The following CTNNA1 variants were observed in gnomAD, a reference collection of about 807,000 sequenced individuals.
CTNNA1 encodes the protein catenin alpha 1.
In CTNNA1, 37 loss-of-function variants were observed where a neutral mutation model predicts 98.4. The ratio of observed to expected loss-of-function variants is 0.38; its 90% CI spans 0.29 to 0.49. CTNNA1 has a LOEUF of 0.49. CTNNA1 is among the 20% of genes least tolerant of loss of function. CTNNA1 has a pLI of 0.95. For missense variants in CTNNA1, 761 were observed against 1,147.2 expected, an observed-to-expected ratio of 0.66 and a Z score of 4.86; for synonymous variants, 404 against 413.2, an observed-to-expected ratio of 0.98 and a Z score of 0.27.
chr5:138,769,513 C>G (rs1023573332), intron 1 of CTNNA1, among the ~76,000 whole-genome samples: 4 of 151,584 alleles, frequency 2.6e-5, no homozygotes, highest in Non-Finnish European at 5.9e-5. Flanking sequence ...CTCAGCCTCC[C>G]GATATTTTTA....
At chr5:138,784,200 G>A (rs1365705287) in intron 3 of CTNNA1, among the ~76,000 whole-genome samples, 1 of 152,178 alleles carries the variant, frequency 6.6e-6, no homozygotes, top group African/African-American at 2.4e-5. Context: ...CACAGTGCCC[G>A]GCCTTGAAAC....
At chr5:138,783,426 GTGTT>G in intron 3 of CTNNA1, 54 bp downstream of exon 3, 2 of 1,492,936 alleles carry the variant, frequency 1.3e-6, no homozygotes, top group South Asian at 2.5e-5. Context: ...TAGAAAATCA[GTGTT>G]TGAAGATTTT....
rs1232441870 is a variant in CTNNA1, at chr5:138,776,939, G to T, written c.-2-4984G>T. On this transcript the variant is annotated intron_variant, in intron 1 of 17. Transcript: ENST00000302763. Reference sequence around the variant, plus strand: ...TCCCTCCCGGACGGGGCGGCTGGCCGGGCGGGGGGCTGACTCCCCCACCTC... The same window carrying T: ...TCCCTCCCGGACGGGGCGGCTGGCCTGGCGGGGGGCTGACTCCCCCACCTC... Among the ~76,000 whole-genome samples, 10 of 130,028 alleles carry T rather than the reference G, an allele frequency of 7.7e-5. No homozygotes were observed. The South Asian group carries it at 1.0e-3, about 13-fold the overall frequency. 85.3% of individuals were successfully genotyped at this position (130,028 alleles called of 152,430 possible).
At chr5:138,753,820 G>T in intron 1 of CTNNA1, 1 of 220,806 alleles carries the variant, frequency 4.5e-6, no homozygotes. Context: ...CGCCGCCGCC[G>T]CGTTTCCTCT....
intron 1 of CTNNA1, among the ~76,000 whole-genome samples, chr5:138,769,601 T>G (rs758635889): frequency 3.6e-4 from 54 of 151,726 alleles, no homozygotes; most frequent in Non-Finnish European, 6.6e-4. Context: ...GGTGCGATCT[T>G]GGCTCACCGC....
At chr5:138,921,790 G>T (rs1561747753) in intron 11 of CTNNA1, among the ~76,000 whole-genome samples, 1 of 151,456 alleles carries the variant, frequency 6.6e-6, no homozygotes, top group Non-Finnish European at 1.5e-5. Flanking sequence ...TAGTAGAGAC[G>T]GGGTTTCACC....
chr5:138,878,111 G>A (rs1241799681), intron 7 of CTNNA1, among the ~76,000 whole-genome samples: 1 of 152,176 alleles, frequency 6.6e-6, no homozygotes, highest in Non-Finnish European at 1.5e-5. Context: ...AGAAGCATCA[G>A]TGCAATCAAG....
intron 3 of CTNNA1, among the ~76,000 whole-genome samples, chr5:138,795,672 A>G (rs941893451): frequency 6.6e-6 from 1 of 152,130 alleles, no homozygotes; most frequent in African/African-American, 2.4e-5. Context: ...TCTGTAAAAC[A>G]CTGTGTAAAA....
chr5:138,922,809 G>C lies in CTNNA1; in HGVS notation c.1547-1701G>C, dbSNP rs1050979265. Among the ~76,000 whole-genome samples the C allele has an allele frequency of 9.2e-5, 14 of 152,120 alleles. 1 individual carries two copies. Among genetic ancestry groups the C allele is most frequent in the Non-Finnish European group, 1.8e-4 (12 of 68,022 alleles). On this transcript the variant is annotated intron_variant, in intron 11 of 17. Transcript: ENST00000302763. ...GAGACAAGTGTTTCATGAGGGTAGA[G>C]AATATTACTTTGGTCAGCTTCCTGA...
chr5:138,781,913 T>G lies in CTNNA1; in HGVS notation c.-2-10T>G. The G allele has an allele frequency of 1.3e-6, 2 of 1,571,488 alleles. No homozygotes were observed. Among genetic ancestry groups the G allele is most frequent in the Non-Finnish European group, 1.7e-6 (2 of 1,167,938 alleles). ...ATGTTTGCCTGACTGACTTTTTGTT[T>G]CTTATTTAGAAATGACTGCTGTCCA... is the stretch of plus-strand genomic sequence containing the variant. On this transcript the variant is annotated splice_polypyrimidine_tract_variant and intron_variant, in intron 1 of 17. Coordinates refer to ENST00000302763, the MANE Select transcript of CTNNA1 (RefSeq NM_001903.5).
chr5:138,921,596 ATTTTTTTTTTTTT>A (rs386405098), intron 11 of CTNNA1, among the ~76,000 whole-genome samples: 2 of 104,048 alleles, frequency 1.9e-5, no homozygotes, highest in Non-Finnish European at 3.7e-5. Flanking sequence ...ATTAGTGGTG[ATTTTTTTTTTTTT>A]TTTTTTTTTT....
chr5:138,887,697 G>C, intron 9 of CTNNA1, 55 bp downstream of exon 9: 1 of 1,454,912 alleles, frequency 6.9e-7, no homozygotes. Context: ...AGTGTGGTGA[G>C]TTTTAATCAC....
At chr5:138,885,499 A>C (rs1310372963) in intron 7 of CTNNA1, among the ~76,000 whole-genome samples, 1 of 152,108 alleles carries the variant, frequency 6.6e-6, no homozygotes, top group Admixed American at 6.6e-5. Flanking sequence ...TTCAACTGCT[A>C]TTTTATTCCA....
intron 1 of CTNNA1, chr5:138,754,204 C>T (rs1751348793): frequency 6.6e-6 from 1 of 150,818 alleles, no homozygotes; most frequent in Admixed American, 6.6e-5. Flanking sequence ...GCTTTCAGCC[C>T]TAGTTTTCAG....
intron 7 of CTNNA1, among the ~76,000 whole-genome samples, chr5:138,876,085 TAC>T (rs920009854): frequency 1.3e-5 from 2 of 152,326 alleles, no homozygotes; most frequent in African/African-American, 2.4e-5. Flanking sequence ...GGCAGGTTGA[TAC>T]AGTCATTTTA....
chr5:138,932,316 G>A, intron 16 of CTNNA1: 1 of 1,246,830 alleles, frequency 8.0e-7, no homozygotes, highest in Non-Finnish European at 1.0e-6. Context: ...GTCAGTGGGA[G>A]GCTCAGAAGG....
chr5:138,858,747 C>T (rs1394059010), intron 7 of CTNNA1, among the ~76,000 whole-genome samples: 2 of 152,092 alleles, frequency 1.3e-5, no homozygotes, highest in African/African-American at 4.8e-5. Flanking sequence ...AGGCACCTGC[C>T]ACCACGCCCA....
rs940176832 is a variant in CTNNA1, at chr5:138,803,590, T to C, written c.302-6448T>C. On this transcript the variant is annotated intron_variant, in intron 3 of 17. Transcript: ENST00000302763. Reference sequence around the variant, plus strand: ...CTAGCCACATTGGCTTCCTTGGCCTTCCATAATCTTTTTAGATCTTTGACT... The same window carrying C: ...CTAGCCACATTGGCTTCCTTGGCCTCCCATAATCTTTTTAGATCTTTGACT... 3.9e-5 allele frequency among the ~76,000 whole-genome samples: 6 copies of C among 152,200 alleles called. No homozygotes were observed. In the East Asian group the frequency reaches 5.8e-4, roughly 15 times the overall value.
Position 138,873,507 on chromosome 5 carries a change from C to T in CTNNA1, c.1063-12705C>T. ...CAGAGCTGAAATCCATGGACTGCAT[C>T]TAGAATATCCTCTCCTTGGGTGTGG... On this transcript the variant is annotated intron_variant, in intron 7 of 17. Coordinates refer to ENST00000302763, the MANE Select transcript of CTNNA1 (RefSeq NM_001903.5). The surrounding 1 kb of genome is among the most constrained non-coding windows in gnomAD (Gnocchi z 6.1). 2 of 1,614,008 alleles carry T rather than the reference C, an allele frequency of 1.2e-6. No individual in the cohort carries two copies. Among genetic ancestry groups the T allele is most frequent in the South Asian group, 2.2e-5 (2 of 91,082 alleles).
Sources: allele counts gnomAD v4.1 joint callset (sites outside exome capture counted in the v4.1 genomes callset), GRCh38; gene constraint gnomAD v4.1.1; non-coding constraint Gnocchi (gnomAD v3.1); transcripts MANE v1.5; gene names NCBI Gene and HGNC (gene_info 2026-07-23, HGNC 2026-07-21).